Variants in MPDZ observed in about 807,000 individuals in gnomAD.
MPDZ encodes the protein multiple PDZ domain crumbs cell polarity complex component.
In MPDZ, 234 loss-of-function variants were observed where a neutral mutation model predicts 239.1. The ratio of observed to expected loss-of-function variants is 0.98; its 90% confidence interval spans 0.88 to 1.09. The LOEUF (loss-of-function observed/expected upper bound fraction) is 1.09. Ranked by LOEUF, MPDZ falls within the 50% of genes least tolerant of loss-of-function variation. MPDZ has a pLI of 0.00. For missense variants in MPDZ, 3,175 were observed against 2,510.0 expected (o/e 1.26, Z -5.66); for synonymous variants, 1,048 against 881.3 (o/e 1.19, Z -3.35).
chr9:13,169,378 C>G (rs1447755804), intron 21 of MPDZ, among the ~76,000 whole-genome samples: 2 of 152,088 alleles, frequency 1.3e-5, no homozygotes, highest in Non-Finnish European at 2.9e-5. Context: ...CACTACCACA[C>G]TACCCTCCAT....
chr9:13,119,668 T>A lies in MPDZ; in HGVS notation c.5232-19A>T. The A allele has an allele frequency of 6.2e-7, 1 of 1,613,892 alleles. No individual in the cohort carries two copies. The highest frequency in any genetic ancestry group is 8.5e-7 in the Non-Finnish European group (1 of 1,179,804). On this transcript the variant is annotated intron_variant, in intron 38 of 46. Coordinates refer to ENST00000319217, the MANE Select transcript of MPDZ (RefSeq NM_001378778.1). ...ATCGTTTCTACACACAATTTTGAAT[T>A]TCAACATTATCTTTTGCTCAACTGT...
At chr9:13,167,439 A>C (rs1951207450) in intron 22 of MPDZ, among the ~76,000 whole-genome samples, 2 of 152,064 alleles carry the variant, frequency 1.3e-5, no homozygotes, top group African/African-American at 4.8e-5. Context: ...CTTTTTATTG[A>C]CCACAGAATG....
At chr9:13,111,213 TC>T (rs1277756639) in intron 43 of MPDZ, among the ~76,000 whole-genome samples, 1 of 152,216 alleles carries the variant, frequency 6.6e-6, no homozygotes, top group African/African-American at 2.4e-5. Context: ...TTGGCTGCTT[TC>T]ACAGCGCAGA....
At chr9:13,168,720 CA>C (rs998071053) in intron 21 of MPDZ, among the ~76,000 whole-genome samples, 156 bp from the exon 22 acceptor site, 7 of 152,032 alleles carry the variant, frequency 4.6e-5, no homozygotes, top group Middle Eastern at 3.4e-3. Flanking sequence ...GTGTTTCTAA[CA>C]AAAAATATTT....
At chr9:13,124,376 C>G (rs909131926) in intron 35 of MPDZ, among the ~76,000 whole-genome samples, 2 of 152,138 alleles carry the variant, frequency 1.3e-5, no homozygotes, top group African/African-American at 4.8e-5. Context: ...AACTACATTA[C>G]AAATGATTTA....
At chr9:13,234,539 G>C (rs962246445) in intron 3 of MPDZ, among the ~76,000 whole-genome samples, 51 of 152,148 alleles carry the variant, frequency 3.4e-4, no homozygotes, top group African/African-American at 1.2e-3. Flanking sequence ...TCAATACACA[G>C]TATAGCAGTA....
intron 39 of MPDZ, among the ~76,000 whole-genome samples, chr9:13,116,351 T>C (rs116865795): frequency 1.5e-3 from 224 of 152,264 alleles, no homozygotes; most frequent in Non-Finnish European, 2.7e-3. Context: ...ATGTACATCA[T>C]TATAGGTTGT....
intron 26 of MPDZ, among the ~76,000 whole-genome samples, chr9:13,144,992 C>T (rs1441908525): frequency 6.6e-6 from 1 of 152,024 alleles, no homozygotes; most frequent in Non-Finnish European, 1.5e-5. Flanking sequence ...CTGTATAATT[C>T]TGTAGAACAT....
intron 10 of MPDZ, among the ~76,000 whole-genome samples, chr9:13,209,795 C>A (rs1469516885): frequency 6.6e-6 from 1 of 151,982 alleles, no homozygotes; most frequent in Non-Finnish European, 1.5e-5. Flanking sequence ...TGAAGGCAGT[C>A]AACAAGATTT....
chr9:13,116,874 T>G (rs1943533612), intron 39 of MPDZ, among the ~76,000 whole-genome samples: 1 of 152,122 alleles, frequency 6.6e-6, no homozygotes, highest in African/African-American at 2.4e-5. Context: ...AAGATTGTAT[T>G]TTACATAGTT....
At chr9:13,144,632 G>A (rs968857974) in intron 26 of MPDZ, among the ~76,000 whole-genome samples, 5 of 152,064 alleles carry the variant, frequency 3.3e-5, no homozygotes, top group African/African-American at 1.2e-4. Context: ...CACGCTGTAT[G>A]AGAGAACACT....
At chr9:13,172,475 C>A (rs1037007243) in intron 21 of MPDZ, among the ~76,000 whole-genome samples, 1 of 151,696 alleles carries the variant, frequency 6.6e-6, no homozygotes, top group African/African-American at 2.4e-5. Flanking sequence ...CTCCACCTCC[C>A]GAGTTCAAGG....
chr9:13,165,083 G>C (rs1950911566), intron 22 of MPDZ, among the ~76,000 whole-genome samples: 1 of 152,096 alleles, frequency 6.6e-6, no homozygotes, highest in South Asian at 2.1e-4. Flanking sequence ...TCCTGCACGT[G>C]CAGACAGGAT....
intron 3 of MPDZ, among the ~76,000 whole-genome samples, chr9:13,230,766 C>T (rs532068822): frequency 2.0e-5 from 3 of 151,804 alleles, no homozygotes; most frequent in South Asian, 2.1e-4. Context: ...AGGAGGGAAA[C>T]GGGAGGGAGG....
intron 15 of MPDZ, among the ~76,000 whole-genome samples, chr9:13,191,509 G>A (rs1276124045): frequency 1.3e-5 from 2 of 152,114 alleles, no homozygotes; most frequent in African/African-American, 2.4e-5. Context: ...ACAGGAAAAT[G>A]TGAGTTCCTG....
intron 21 of MPDZ, 64 bp downstream of exon 21, chr9:13,175,688 G>A: frequency 6.7e-7 from 1 of 1,491,474 alleles, no homozygotes; most frequent in Non-Finnish European, 9.1e-7. Flanking sequence ...AATTTACCAT[G>A]TTCAATATTT....
chr9:13,112,249 T>G, intron 42 of MPDZ, 103 bp from the exon 43 acceptor site: 1 of 1,188,042 alleles, frequency 8.4e-7, no homozygotes, highest in Non-Finnish European at 1.1e-6. Flanking sequence ...ATTTTCTAAG[T>G]GTGAGGGGGA....
intron 29 of MPDZ, among the ~76,000 whole-genome samples, chr9:13,137,233 A>T (rs909893926): frequency 3.3e-5 from 5 of 152,138 alleles, no homozygotes; most frequent in African/African-American, 1.2e-4. Context: ...GAAATAGGTC[A>T]CTGGGAGAAG....
intron 32 of MPDZ, among the ~76,000 whole-genome samples, chr9:13,132,876 A>G (rs749882230): frequency 3.9e-5 from 6 of 152,182 alleles, no homozygotes; most frequent in Non-Finnish European, 5.9e-5. Context: ...CCCAATCACT[A>G]CAGTATGTTG....
Sources: allele counts gnomAD v4.1 joint callset (sites outside exome capture counted in the v4.1 genomes callset), GRCh38; gene constraint gnomAD v4.1.1; transcripts MANE v1.5; gene names NCBI Gene and HGNC (gene_info 2026-07-23, HGNC 2026-07-21).